Variants in EYS observed in about 807,000 individuals in gnomAD.
The protein encoded by EYS is EGF-like photoreceptor maintenance factor.
In EYS, 250 loss-of-function variants were observed where a neutral mutation model predicts 282.1. The observed-to-expected ratio is 0.89, with a 90% CI of 0.80 to 0.98. The LOEUF (loss-of-function observed/expected upper bound fraction) is 0.98. Ranked by LOEUF, EYS falls within the 50% of genes least tolerant of loss-of-function variation. The probability of loss-of-function intolerance (pLI) is 0.00; values close to 1 mark genes in which losing one functional copy is unlikely to be tolerated. For synonymous variants in EYS, 1,355 were observed against 1,282.9 expected, an observed-to-expected ratio of 1.06 and a Z score of -1.20; for missense variants, 4,016 against 3,709.0, an observed-to-expected ratio of 1.08 and a Z score of -2.15.
intron 6 of EYS, among the ~76,000 whole-genome samples, chr6:65,404,675 C>G (rs1290291585): frequency 6.6e-6 from 1 of 151,706 alleles, no homozygotes; most frequent in Non-Finnish European, 1.5e-5. Flanking sequence ...AAAAGTTCAG[C>G]AATTTTTTTG....
rs1764934471 is a variant in EYS at position 64,822,657 on chromosome 6, T to G, written c.3158A>C (p.His1053Pro). ...ANDCLSNPCL[H>P]GRCTELINEY... The stretch of plus-strand genomic sequence containing the variant: ...TAATAAAAAAAATAGCTACCTTCCA[T>G]GTAGACAAGGATTTGAAAGGCAATC... Residue 1053 changes from histidine to proline, a missense_variant, in exon 20 of 43, where the codon CAT becomes CCT. By Grantham distance (77) the His-to-Pro change is moderately conservative (BLOSUM62 -2). Transcript: ENST00000503581. The G allele has an allele frequency of 1.3e-6, 2 of 1,536,858 alleles. No homozygotes were observed.
chr6:63,907,203 A>G (rs909554200), intron 35 of EYS, among the ~76,000 whole-genome samples: 13 of 152,182 alleles, frequency 8.5e-5, no homozygotes, highest in Non-Finnish European at 1.5e-4. Context: ...TAAATTAAGA[A>G]TATTGGGTCC....
chr6:64,728,493 C>A (rs1228201314), intron 22 of EYS, among the ~76,000 whole-genome samples: 1 of 152,070 alleles, frequency 6.6e-6, no homozygotes, highest in African/African-American at 2.4e-5. Context: ...CGCCACCATG[C>A]CTGACTAATT....
At position 65,271,128 on chromosome 6, in the gene EYS, T is replaced by TTATATATATATATATTTATATATATA. The variant is rs1767888751; in HGVS notation, c.2023+24734_2023+24735insTATATATATAAATATATATATATATA. Among the ~76,000 whole-genome samples, 3 of 55,784 alleles carry TTATATATATATATATTTATATATATA rather than the reference T, an allele frequency of 5.4e-5. No homozygotes were observed. The South Asian group carries it at 2.4e-3, about 45-fold the overall frequency. The allele number at this position is 55,784 out of a possible 152,430, so 36.6% of individuals were successfully genotyped here. Reference sequence around the variant, plus strand: ...TCTCCAGAGAAACAGAATCAATAGATTATATATATATATATATATATATAT... The same window carrying TTATATATATATATATTTATATATATA: ...TCTCCAGAGAAACAGAATCAATAGATTATATATATATATATTTATATATATATATATATATATATATATATATATAT... On this transcript the variant is annotated intron_variant, in intron 12 of 42. Coordinates refer to ENST00000503581, the MANE Select transcript of EYS (RefSeq NM_001142800.2).
chr6:65,370,545 C>T (rs1269037752), intron 8 of EYS, among the ~76,000 whole-genome samples: 1 of 151,692 alleles, frequency 6.6e-6, no homozygotes, highest in Non-Finnish European at 1.5e-5. Flanking sequence ...CTGGCTGTAA[C>T]GCTTCTTTCT....
chr6:64,570,359 C>T (rs549051443), intron 26 of EYS, among the ~76,000 whole-genome samples: 5 of 152,232 alleles, frequency 3.3e-5, no homozygotes, highest in African/African-American at 9.6e-5. Flanking sequence ...TAAAAACCAT[C>T]GACACTATGA....
intron 31 of EYS, among the ~76,000 whole-genome samples, chr6:64,098,245 TAAGA>T (rs1232387752): frequency 6.6e-6 from 1 of 152,108 alleles, no homozygotes. Context: ...TACTATAAAA[TAAGA>T]AAGACAAATT....
In EYS at chr6:64,376,509, C is replaced by T. The variant is rs1018831584; in HGVS notation, c.6078+12181G>A. 6.6e-5 allele frequency among the ~76,000 whole-genome samples: 10 copies of T among 152,202 alleles called. No homozygotes were observed. The East Asian group carries it at 9.6e-4, about 15-fold the overall frequency. ...ATATCTTAGAAACTTCCCTGCTCCACGCATACTGAGAATTCCAACAATTTC... is the reference window on the plus strand; with the variant it reads ...ATATCTTAGAAACTTCCCTGCTCCATGCATACTGAGAATTCCAACAATTTC... On this transcript the variant is annotated intron_variant, in intron 29 of 42. Coordinates refer to ENST00000503581, the MANE Select transcript of EYS (RefSeq NM_001142800.2).
intron 29 of EYS, among the ~76,000 whole-genome samples, chr6:64,370,014 GT>G (rs906274899): frequency 1.3e-5 from 2 of 151,868 alleles, no homozygotes; most frequent in African/African-American, 4.8e-5. Context: ...ATTTGGATGT[GT>G]TTTATTTCTT....
intron 5 of EYS, among the ~76,000 whole-genome samples, chr6:65,414,134 G>T (rs905551071): frequency 6.6e-6 from 1 of 152,086 alleles, no homozygotes; most frequent in Admixed American, 6.6e-5. Flanking sequence ...TATCAACAGA[G>T]AAAACAGCAA....
At chr6:65,153,803 C>T (rs1764673302) in intron 12 of EYS, among the ~76,000 whole-genome samples, 1 of 151,722 alleles carries the variant, frequency 6.6e-6, no homozygotes. Flanking sequence ...TTAATGTAAT[C>T]ACATCTTTAG....
intron 2 of EYS, among the ~76,000 whole-genome samples, chr6:65,541,977 T>C (rs1768184449): frequency 6.6e-6 from 1 of 152,120 alleles, no homozygotes; most frequent in Admixed American, 6.6e-5. Context: ...TAGTAAAGCA[T>C]AAAATTTCTA....
chr6:64,064,219 T>A (rs1771284394), intron 33 of EYS, among the ~76,000 whole-genome samples: 1 of 152,132 alleles, frequency 6.6e-6, no homozygotes, highest in Admixed American at 6.5e-5. Flanking sequence ...CATATACACA[T>A]AAGAATTAGT....
At chr6:64,785,595 AG>A (rs1489608916) in intron 22 of EYS, among the ~76,000 whole-genome samples, 1 of 152,200 alleles carries the variant, frequency 6.6e-6, no homozygotes, top group African/African-American at 2.4e-5. Flanking sequence ...GATTGTTCTT[AG>A]GATCCCAAAA....
chr6:65,619,145 G>A (rs1766358544), intron 2 of EYS, among the ~76,000 whole-genome samples: 1 of 151,814 alleles, frequency 6.6e-6, no homozygotes, highest in South Asian at 2.1e-4. Context: ...ACCTTGGGCA[G>A]TATGGCCATT....
intron 12 of EYS, among the ~76,000 whole-genome samples, chr6:65,062,973 C>T (rs984499695): frequency 1.3e-5 from 2 of 152,040 alleles, no homozygotes; most frequent in East Asian, 1.9e-4. Flanking sequence ...CCTTCTTTTC[C>T]ATCCTTAGCT....
At chr6:65,400,429 A>G (rs1246518987) in intron 7 of EYS, among the ~76,000 whole-genome samples, 1 of 151,764 alleles carries the variant, frequency 6.6e-6, no homozygotes, top group South Asian at 2.1e-4. Context: ...TTCCTTTCCT[A>G]TCAGACTCTA....
intron 22 of EYS, among the ~76,000 whole-genome samples, chr6:64,779,963 C>T (rs565431932): frequency 1.2e-3 from 190 of 152,316 alleles, no homozygotes; most frequent in African/African-American, 4.4e-3. Context: ...ATGATGCTCT[C>T]TAGATTTATG....
intron 35 of EYS, among the ~76,000 whole-genome samples, chr6:63,867,332 T>A (rs1772693415): frequency 6.6e-6 from 1 of 152,208 alleles, no homozygotes; most frequent in African/African-American, 2.4e-5. Flanking sequence ...CCTAAATTTT[T>A]AAAAATTTTA....
Sources: gnomAD v4.1 joint callset for allele counts (sites outside exome capture counted in the v4.1 genomes callset) on GRCh38, gnomAD v4.1.1 for gene constraint, MANE v1.5 for transcripts, NCBI Gene and HGNC (gene_info 2026-07-23, HGNC 2026-07-21) for gene names.